The following KDM3A variants were observed in gnomAD, a reference collection of about 807,000 sequenced individuals.
The protein encoded by KDM3A is lysine-specific demethylase 3A.
A neutral mutation model predicts 158.0 loss-of-function variants in KDM3A; 60 were observed. That is an observed-to-expected ratio of 0.38 (90% confidence interval 0.31 to 0.47). KDM3A has a LOEUF of 0.47. Among genes scored for constraint, KDM3A ranks in the 20% least tolerant of loss-of-function variants. The pLI, the probability that KDM3A is intolerant of heterozygous loss-of-function variation, is 0.99. For missense variants in KDM3A, 1,319 were observed against 1,574.3 expected, an observed-to-expected ratio of 0.84 and a Z score of 2.74; for synonymous variants, 608 against 549.3, an observed-to-expected ratio of 1.11 and a Z score of -1.49.
intron 2 of KDM3A, among the ~76,000 whole-genome samples, chr2:86,443,958 T>C (rs79242249): frequency 0.028 from 4,294 of 152,314 alleles, 71 homozygotes; most frequent in Middle Eastern, 0.058. Flanking sequence ...TTTTATGTGA[T>C]TTGAATGGAA....
At chr2:86,443,014 T>C (rs984561356) in intron 2 of KDM3A, among the ~76,000 whole-genome samples, 1 of 152,210 alleles carries the variant, frequency 6.6e-6, no homozygotes, top group African/African-American at 2.4e-5. Context: ...AGATGAATTC[T>C]GATTGTGCTC....
At chr2:86,478,763 A>G (rs764959128) in intron 15 of KDM3A, 28 bp downstream of exon 15, 6 of 1,603,296 alleles carry the variant, frequency 3.7e-6, no homozygotes, top group South Asian at 1.1e-5. Context: ...TAAATTCAAC[A>G]TCTCTTGTAA....
chr2:86,451,026 G>T (rs1272779350), intron 3 of KDM3A, 77 bp from the exon 4 acceptor site: 1 of 902,058 alleles, frequency 1.1e-6, no homozygotes, highest in Admixed American at 2.8e-5. Flanking sequence ...TTCTCTGTGT[G>T]TGGAAAATTG....
At chr2:86,458,656 A>G (rs952940440) in intron 8 of KDM3A, among the ~76,000 whole-genome samples, 1 of 152,182 alleles carries the variant, frequency 6.6e-6, no homozygotes, top group Non-Finnish European at 1.5e-5. Flanking sequence ...AGGTGCCTCA[A>G]GAAGCAGCCT....
rs112347459 is a variant in KDM3A, at chr2:86,475,628, G to C, written c.1939+638G>C. On this transcript the variant is annotated intron_variant, in intron 12 of 25. Transcript: ENST00000312912. ...CTCAAGCTAGGATGTTTGGAGGACGGTGCAGCGTCTTCCTATCCATGTCCC... is the reference window on the plus strand; with the variant it reads ...CTCAAGCTAGGATGTTTGGAGGACGCTGCAGCGTCTTCCTATCCATGTCCC... Among the ~76,000 whole-genome samples the C allele has an allele frequency of 4.1e-3, 631 of 152,306 alleles. 5 individuals carry two copies. Among genetic ancestry groups the C allele is most frequent in the African/African-American group, 0.014 (602 of 41,566 alleles).
In KDM3A at chr2:86,456,858, C is replaced by T. The variant is rs755089864; in HGVS notation, c.735C>T (p.His245=). The change falls in exon 7 of 26, where the codon CAC becomes CAT. Residue 245 remains histidine, a synonymous_variant. Coordinates refer to ENST00000312912, the MANE Select transcript of KDM3A (RefSeq NM_018433.6). The part of the protein sequence containing the change: ...DPSLIHVEVV[H]DNLVTCGNSA... ...CACTGATTCATGTTGAAGTTGTACA[C>T]GATAACCTTGTGACATGTGGTAAGA... The T allele has an allele frequency of 1.2e-5, 19 of 1,611,162 alleles. No individual in the cohort carries two copies. Among genetic ancestry groups the T allele is most frequent in the Middle Eastern group, 1.6e-4 (1 of 6,074 alleles).
chr2:86,439,169 T>C (rs1009364665), upstream of KDM3A, among the ~76,000 whole-genome samples: 2 of 152,070 alleles, frequency 1.3e-5, no homozygotes, highest in Non-Finnish European at 2.9e-5. Context: ...AATTTAAAAA[T>C]ACTCTTAAGA....
chr2:86,444,881 A>C (rs1281026405), intron 2 of KDM3A, among the ~76,000 whole-genome samples: 1 of 152,234 alleles, frequency 6.6e-6, no homozygotes, highest in African/African-American at 2.4e-5. Flanking sequence ...TATGTCTAGT[A>C]GTTGGTTACA....
chr2:86,483,013 A>T, intron 18 of KDM3A: 2 of 329,802 alleles, frequency 6.1e-6, no homozygotes, highest in East Asian at 1.5e-4. Context: ...CTACAGGCTG[A>T]TGGGATTTGG....
At chr2:86,468,591 G>A (rs1268131971) in intron 10 of KDM3A, among the ~76,000 whole-genome samples, 1 of 151,814 alleles carries the variant, frequency 6.6e-6, no homozygotes. Flanking sequence ...GCTATCTACT[G>A]TGACTTTTTT....
intron 15 of KDM3A, chr2:86,479,885 C>T (rs1176908944): frequency 3.9e-5 from 14 of 363,054 alleles, no homozygotes; most frequent in Non-Finnish European, 7.0e-5. Flanking sequence ...TTTAAACCAG[C>T]ATGGTACATA....
chr2:86,477,878 A>G lies in KDM3A; in HGVS notation c.1941A>G (p.Arg647=). ...KEAMSTIEPH[R]QVAWKRAVKG... ...TAAGTGATTTACTGATTTTTGCAGGACAGGTTGCTTGGAAGCGAGCTGTCA... is the reference window on the plus strand; with the variant it reads ...TAAGTGATTTACTGATTTTTGCAGGGCAGGTTGCTTGGAAGCGAGCTGTCA... The change falls in exon 13 of 26, where the codon AGA becomes AGG. Residue 647 remains arginine, a splice_region_variant and synonymous_variant. Transcript: ENST00000312912. 6.2e-7 allele frequency: 1 copy of G among 1,601,576 alleles called. No individual in the cohort carries two copies. Among genetic ancestry groups the G allele is most frequent in the African/African-American group, 1.3e-5 (1 of 74,702 alleles).
intron 21 of KDM3A, chr2:86,487,539 G>C (rs1454615680): frequency 6.6e-6 from 1 of 152,116 alleles, no homozygotes; most frequent in Non-Finnish European, 1.5e-5. Flanking sequence ...ACAGTAGAAG[G>C]GGCATTGACT....
At chr2:86,439,078 G>A (rs182707638), upstream of KDM3A, among the ~76,000 whole-genome samples, 134 of 152,050 alleles carry the variant, frequency 8.8e-4, 1 homozygote, top group African/African-American at 2.9e-3. Context: ...TAGGTTTTTA[G>A]AAAGTTTAAA....
chr2:86,478,899 A>T (rs753146677), intron 15 of KDM3A, 164 bp downstream of exon 15: 102 of 640,438 alleles, frequency 1.6e-4, no homozygotes, highest in Non-Finnish European at 2.3e-4. Context: ...GACAGTTCAG[A>T]GACCCGTTCT....
At position 86,456,503 on chromosome 2, in the gene KDM3A, G is replaced by GT; in HGVS notation, c.622dup (p.Ser208PhefsTer19). The GT allele has an allele frequency of 6.2e-7, 1 of 1,606,124 alleles. No individual in the cohort carries two copies. The highest frequency in any genetic ancestry group is 8.5e-7 in the Non-Finnish European group (1 of 1,175,932). ...ATAGCTTGGACCCATCTACTCAGTGGTTTTCAGCAACCGTTATAAATGGAA... is the reference window on the plus strand; with the variant it reads ...ATAGCTTGGACCCATCTACTCAGTGGTTTTTCAGCAACCGTTATAAATGGAA... On this transcript the variant is annotated frameshift_variant, in exon 6 of 26. Transcript: ENST00000312912. LOFTEE classifies it high-confidence loss of function.
chr2:86,473,834 T>A (rs1166335461), intron 11 of KDM3A, among the ~76,000 whole-genome samples: 1 of 152,250 alleles, frequency 6.6e-6, no homozygotes, highest in African/African-American at 2.4e-5. Flanking sequence ...TATACAGTAT[T>A]GAAGGCAGAT....
At chr2:86,441,989 C>T (rs1573130333) in intron 1 of KDM3A, 29 bp from the exon 2 acceptor site, 43 of 1,587,460 alleles carry the variant, frequency 2.7e-5, no homozygotes, top group Admixed American at 6.7e-5. Flanking sequence ...CGGCCGCCCC[C>T]GTCGCATTTT....
chr2:86,438,110 T>G (rs1340124800), upstream of KDM3A, among the ~76,000 whole-genome samples: 1 of 152,126 alleles, frequency 6.6e-6, no homozygotes, highest in Non-Finnish European at 1.5e-5. Context: ...TAAGTATATT[T>G]CTGGTAGATA....
Sources: allele counts gnomAD v4.1 joint callset (sites outside exome capture counted in the v4.1 genomes callset), GRCh38; gene constraint gnomAD v4.1.1; transcripts MANE v1.5; gene names NCBI Gene and HGNC (gene_info 2026-07-23, HGNC 2026-07-21).